CNTNAP2: variants seen among roughly 807,000 people sequenced by gnomAD.
CNTNAP2 encodes contactin associated protein 2, also known as contactin-associated protein-like 2.
A neutral mutation model predicts 155.2 loss-of-function variants in CNTNAP2; 98 were observed. That is an observed-to-expected ratio of 0.63 (90% CI 0.54 to 0.75). The LOEUF (loss-of-function observed/expected upper bound fraction) is 0.75. Ranked by LOEUF, CNTNAP2 falls within the 30% of genes least tolerant of loss-of-function variation. The pLI is 0.00. For synonymous variants in CNTNAP2, 651 were observed against 631.2 expected (o/e 1.03, Z -0.47); for missense variants, 1,727 against 1,688.1 (o/e 1.02, Z -0.40).
intron 21 of CNTNAP2, among the ~76,000 whole-genome samples, chr7:148,308,049 A>G (rs1298534600): frequency 6.6e-6 from 1 of 152,178 alleles, no homozygotes; most frequent in Non-Finnish European, 1.5e-5. Flanking sequence ...ATAATTTCCA[A>G]TTTGCTTTTC....
At chr7:146,666,010 C>T (rs13437964) in intron 1 of CNTNAP2, among the ~76,000 whole-genome samples, 122,596 of 151,586 alleles carry the variant, frequency 0.81, 50,183 homozygotes, top group South Asian at 0.91. Flanking sequence ...TTCAATATCC[C>T]CCTTTTAGCT....
chr7:147,385,801 A>C (rs1458659745), intron 9 of CNTNAP2, among the ~76,000 whole-genome samples: 4 of 152,120 alleles, frequency 2.6e-5, no homozygotes, highest in African/African-American at 7.2e-5. Context: ...CCCTCCTCTC[A>C]CAGCTCCACT....
intron 11 of CNTNAP2, among the ~76,000 whole-genome samples, chr7:147,519,960 A>G (rs1244553461): frequency 1.3e-5 from 2 of 152,256 alleles, no homozygotes; most frequent in African/African-American, 2.4e-5. Flanking sequence ...GAATCATAAA[A>G]TCTTTAGTAG....
intron 2 of CNTNAP2, among the ~76,000 whole-genome samples, chr7:146,836,359 T>A (rs966627257): frequency 6.6e-6 from 1 of 152,206 alleles, no homozygotes; most frequent in Admixed American, 6.5e-5. Context: ...CTCTTTTGTG[T>A]ATGTACTGCT....
intron 4 of CNTNAP2, among the ~76,000 whole-genome samples, chr7:147,052,594 GT>G (rs916537088): frequency 8.6e-5 from 13 of 151,508 alleles, no homozygotes; most frequent in African/African-American, 2.4e-4. Context: ...ATAACTCAGT[GT>G]TTTTTTCTAA....
chr7:146,502,372 A>G (rs1252303132), intron 1 of CNTNAP2, among the ~76,000 whole-genome samples: 3 of 151,356 alleles, frequency 2.0e-5, no homozygotes, highest in Non-Finnish European at 4.4e-5. Context: ...TCTCTTTGAT[A>G]TACTGATTTC....
intron 16 of CNTNAP2, among the ~76,000 whole-genome samples, chr7:148,125,388 G>T (rs550435335): frequency 6.6e-6 from 1 of 152,156 alleles, no homozygotes; most frequent in South Asian, 2.1e-4. Context: ...CTGATAGGTA[G>T]TTTTTCCATC....
At chr7:147,184,730 G>A (rs1802529367) in intron 8 of CNTNAP2, among the ~76,000 whole-genome samples, 1 of 152,090 alleles carries the variant, frequency 6.6e-6, no homozygotes, top group Admixed American at 6.6e-5. Context: ...GTTGGAAGGA[G>A]AAGAAAGAAG....
intron 3 of CNTNAP2, among the ~76,000 whole-genome samples, chr7:146,903,662 G>A (rs779502121): frequency 6.6e-6 from 1 of 152,092 alleles, no homozygotes; most frequent in Non-Finnish European, 1.5e-5. Flanking sequence ...AGGAATCAGC[G>A]GATCTCACAG....
intron 18 of CNTNAP2, among the ~76,000 whole-genome samples, chr7:148,175,250 C>T (rs763747788): frequency 3.3e-5 from 5 of 152,032 alleles, no homozygotes; most frequent in Non-Finnish European, 7.4e-5. Flanking sequence ...TTTTGCTTAG[C>T]TACATTTTCC....
chr7:146,495,475 G>A (rs971652436), intron 1 of CNTNAP2, among the ~76,000 whole-genome samples: 25 of 149,994 alleles, frequency 1.7e-4, no homozygotes, highest in Non-Finnish European at 2.5e-4. Flanking sequence ...TCATCTCCTC[G>A]TTTTCAGTTT....
intron 2 of CNTNAP2, among the ~76,000 whole-genome samples, chr7:146,817,535 G>A (rs1803197680): frequency 6.6e-6 from 1 of 152,008 alleles, no homozygotes; most frequent in South Asian, 2.1e-4. Flanking sequence ...ATTGGCCATG[G>A]TTCTGTAGGC....
intron 1 of CNTNAP2, among the ~76,000 whole-genome samples, chr7:146,259,991 G>A (rs2462818): frequency 5.3e-5 from 8 of 152,178 alleles, no homozygotes; most frequent in South Asian, 2.1e-4. Context: ...AGCCCAGGGC[G>A]ATGCTGTTCT....
chr7:147,574,897 T>C (rs1246390241), intron 12 of CNTNAP2, among the ~76,000 whole-genome samples: 1 of 152,158 alleles, frequency 6.6e-6, no homozygotes, highest in Non-Finnish European at 1.5e-5. Context: ...CTACTATCTG[T>C]CAAACAGCCT....
At chr7:146,524,592 G>T (rs1010272419) in intron 1 of CNTNAP2, among the ~76,000 whole-genome samples, 1 of 151,804 alleles carries the variant, frequency 6.6e-6, no homozygotes, top group South Asian at 2.1e-4. Context: ...AAATACTATC[G>T]TCGTCATGCC....
At chr7:146,508,840 G>A (rs759629772) in intron 1 of CNTNAP2, among the ~76,000 whole-genome samples, 24 of 152,200 alleles carry the variant, frequency 1.6e-4, no homozygotes, top group Non-Finnish European at 2.9e-4. Context: ...GTTTTCTCTC[G>A]GTCAACCCCA....
At chr7:146,541,256 A>G (rs1042349219) in intron 1 of CNTNAP2, among the ~76,000 whole-genome samples, 10 of 151,992 alleles carry the variant, frequency 6.6e-5, no homozygotes, top group African/African-American at 2.4e-4. Flanking sequence ...ATCACAATAT[A>G]ATGCAAGTCT....
At chr7:147,581,684 G>T (rs1800502553) in intron 12 of CNTNAP2, among the ~76,000 whole-genome samples, 1 of 152,134 alleles carries the variant, frequency 6.6e-6, no homozygotes, top group African/African-American at 2.4e-5. Flanking sequence ...TCCAAATCTG[G>T]TGATTAGTCA....
intron 13 of CNTNAP2, among the ~76,000 whole-genome samples, chr7:147,855,610 A>C (rs1044128847): frequency 2.6e-5 from 4 of 152,056 alleles, no homozygotes; most frequent in African/African-American, 9.7e-5. Flanking sequence ...AACATGGTAA[A>C]ACCCGGTCTC....
Sources: gnomAD v4.1 joint callset for allele counts (sites outside exome capture counted in the v4.1 genomes callset) on GRCh38, gnomAD v4.1.1 for gene constraint, MANE v1.5 for transcripts, NCBI Gene and HGNC (gene_info 2026-07-23, HGNC 2026-07-21) for gene names.